PARD6G: variants seen among roughly 807,000 people sequenced by gnomAD.
PARD6G encodes the protein par-6 family cell polarity regulator gamma.
In PARD6G, 7 loss-of-function variants were observed where a neutral mutation model predicts 10.7. The ratio of observed to expected loss-of-function variants is 0.66; its 90% confidence interval spans 0.37 to 1.23. The LOEUF is 1.23. PARD6G is among the 50% of genes most tolerant of loss of function. PARD6G has a pLI of 0.02. For synonymous variants in PARD6G, 287 were observed against 269.4 expected, an observed-to-expected ratio of 1.07 and a Z score of -0.64; for missense variants, 548 against 571.8, an observed-to-expected ratio of 0.96 and a Z score of 0.42.
intron 1 of PARD6G, among the ~76,000 whole-genome samples, chr18:80,225,178 G>A (rs1009104589): frequency 2.0e-5 from 3 of 152,168 alleles, no homozygotes; most frequent in South Asian, 4.1e-4. Flanking sequence ...AGCCATCACC[G>A]CATGTTGGAC....
intron 1 of PARD6G, among the ~76,000 whole-genome samples, chr18:80,211,578 C>A (rs555237514): frequency 6.6e-6 from 1 of 152,118 alleles, no homozygotes; most frequent in Non-Finnish European, 1.5e-5. Context: ...CTAAAATAAC[C>A]GAAGGTGGAA....
At chr18:80,202,258 G>T (rs1434390132) in intron 2 of PARD6G, among the ~76,000 whole-genome samples, 1 of 152,164 alleles carries the variant, frequency 6.6e-6, no homozygotes, top group Admixed American at 6.5e-5. Context: ...ACCTATGTTA[G>T]TAATTTATTT....
intron 1 of PARD6G, among the ~76,000 whole-genome samples, chr18:80,216,908 C>A (rs1256581811): frequency 2.6e-5 from 4 of 151,962 alleles, no homozygotes; most frequent in African/African-American, 9.7e-5. Flanking sequence ...CTACTAAAAT[C>A]AGTAATGGTG....
chr18:80,176,954 C>A (rs995374705), intron 2 of PARD6G, among the ~76,000 whole-genome samples: 2 of 150,306 alleles, frequency 1.3e-5, no homozygotes, highest in African/African-American at 2.5e-5. Flanking sequence ...TGCATGCACA[C>A]ACACACAGGC....
At position 80,228,535 on chromosome 18, in the gene PARD6G, C is replaced by T. The variant is rs1266010148; in HGVS notation, c.72+18742G>A. Among the ~76,000 whole-genome samples the T allele has an allele frequency of 6.7e-6, 1 of 149,254 alleles. No homozygotes were observed. Among genetic ancestry groups the T allele is most frequent in the Non-Finnish European group, 1.5e-5 (1 of 67,094 alleles). Reference sequence around the variant, plus strand: ...GCCCCAAGGTGCGCAGACTGTCTCTCGTCTAAGGTCCCAGACACCACAGGG... The same window carrying T: ...GCCCCAAGGTGCGCAGACTGTCTCTTGTCTAAGGTCCCAGACACCACAGGG... On this transcript the variant is annotated intron_variant, in intron 1 of 2. Coordinates refer to ENST00000353265, the MANE Select transcript of PARD6G (RefSeq NM_032510.4). The surrounding 1 kb of genome is among the most constrained non-coding windows in gnomAD (Gnocchi z 4.6).
chr18:80,213,697 G>A (rs1161638042), intron 1 of PARD6G, among the ~76,000 whole-genome samples: 4 of 152,138 alleles, frequency 2.6e-5, no homozygotes, highest in East Asian at 1.9e-4. Flanking sequence ...AGTGGCTCAC[G>A]CCTGTAATCC....
chr18:80,208,518 C>T (rs1431736064), intron 1 of PARD6G, among the ~76,000 whole-genome samples: 4 of 152,174 alleles, frequency 2.6e-5, no homozygotes, highest in African/African-American at 7.2e-5. Context: ...ATTCATTCAC[C>T]TACTATCCCG....
intron 1 of PARD6G, among the ~76,000 whole-genome samples, chr18:80,241,532 G>GT (rs1452845859): frequency 6.6e-6 from 1 of 152,150 alleles, no homozygotes; most frequent in East Asian, 1.9e-4. Flanking sequence ...CAATTGCAAT[G>GT]TATTTAGGAT....
chr18:80,159,777 C>T lies in PARD6G; in HGVS notation c.1125G>A (p.Thr375=). ...TTGGGGGCCTCTCGGGAGTCTAGAG[C>T]GTGACCGCGGGCCCGTGCTCCTCCA... ...GGVEEHGPAV[T]L The change falls in exon 3 of 3, where the codon ACG becomes ACA. Residue 375 remains threonine, a synonymous_variant. Transcript: ENST00000353265. The T allele has an allele frequency of 2.8e-6, 4 of 1,426,234 alleles. No homozygotes were observed. The highest frequency in any genetic ancestry group is 3.7e-6 in the Non-Finnish European group (4 of 1,095,134). 88.3% of individuals were successfully genotyped at this position (1,426,234 alleles called of 1,614,324 possible). A position where few individuals can be genotyped will look rare whatever the true frequency, so the allele number is the denominator to read the frequency against.
chr18:80,179,755 C>T (rs888036800), intron 2 of PARD6G, among the ~76,000 whole-genome samples: 1 of 152,226 alleles, frequency 6.6e-6, no homozygotes, highest in African/African-American at 2.4e-5. Flanking sequence ...CCATGGGTTC[C>T]GTGCACGGCG....
At position 80,160,016 on chromosome 18, in the gene PARD6G, C is replaced by A; in HGVS notation, c.886G>T (p.Asp296Tyr). Residue 296 changes from aspartate (D) to tyrosine (Y), a missense_variant, in exon 3 of 3, where the codon GAT (aspartate) becomes TAT (tyrosine). By Grantham distance (160) the Asp-to-Tyr change is radical. Transcript: ENST00000353265. Reference protein sequence around the residue: ...QNFHPDEAESDEDNDVVIEGT... With the variant: ...QNFHPDEAESYEDNDVVIEGT... Reference sequence around the variant, plus strand: ...TCGATGACGACGTCGTTGTCCTCATCGCTCTCCGCCTCGTCGGGGTGGAAG... The same window carrying A: ...TCGATGACGACGTCGTTGTCCTCATAGCTCTCCGCCTCGTCGGGGTGGAAG... 1.3e-6 allele frequency: 2 copies of A among 1,530,642 alleles called. No homozygotes were observed. The highest frequency in any genetic ancestry group is 1.3e-5 in the South Asian group (1 of 77,142). 94.8% of individuals were successfully genotyped at this position (1,530,642 alleles called of 1,614,324 possible).
rs527990931 is a variant in PARD6G at position 80,159,875 on chromosome 18, C to G, written c.1027G>C (p.Gly343Arg). 2.5e-4 allele frequency: 372 copies of G among 1,509,650 alleles called. No homozygotes were observed. The highest frequency in any genetic ancestry group is 3.2e-4 in the Non-Finnish European group (362 of 1,135,174). The allele number at this position is 1,509,650 out of a possible 1,614,324, so 93.5% of individuals were successfully genotyped here. ...QRLQRDLALD[G>R]GLQRLLSSLR... Reference sequence around the variant, plus strand: ...GAGCTGAGCAGCCGCTGGAGGCCGCCGTCCAGGGCCAGGTCCCGCTGCAGC... The same window carrying G: ...GAGCTGAGCAGCCGCTGGAGGCCGCGGTCCAGGGCCAGGTCCCGCTGCAGC... The change falls in exon 3 of 3, where the codon GGC becomes CGC. Residue 343 changes from glycine (G) to arginine (R), a missense_variant. Physicochemically the swap from Gly to Arg is moderately radical, Grantham distance 125 (BLOSUM62 -2). Around this residue, in one of 2 missense-constraint regions of PARD6G, gnomAD observed 313 missense variants for 279.9 expected, o/e 1.12. Coordinates refer to ENST00000353265, the MANE Select transcript of PARD6G (RefSeq NM_032510.4).
chr18:80,163,599 G>A (rs2052715564), intron 2 of PARD6G, among the ~76,000 whole-genome samples: 1 of 152,222 alleles, frequency 6.6e-6, no homozygotes, highest in Admixed American at 6.5e-5. Flanking sequence ...CAAGGGCCAG[G>A]TGGAAGCATC....
intron 1 of PARD6G, among the ~76,000 whole-genome samples, chr18:80,236,568 G>A (rs1343895422): frequency 1.3e-5 from 2 of 152,158 alleles, no homozygotes; most frequent in Admixed American, 6.5e-5. Flanking sequence ...AATTGTCCCC[G>A]TTTGCAGATG....
chr18:80,178,571 C>T (rs2052829914), intron 2 of PARD6G: 1 of 152,378 alleles, frequency 6.6e-6, no homozygotes, highest in African/African-American at 2.4e-5. Context: ...ATCATTTTTG[C>T]TTTAGGAAGG....
rs78482413 is a variant in PARD6G, at chr18:80,228,412, T to A, written c.72+18865A>T. Among the ~76,000 whole-genome samples, 1 of 152,068 alleles carries A rather than the reference T, an allele frequency of 6.6e-6. No homozygotes were observed. The highest frequency in any genetic ancestry group is 1.5e-5 in the Non-Finnish European group (1 of 67,982). ...CTACATTGACCCCCAGCCTCCTCAA[T>A]CAGCTCTGCTGGGTGAGTCGCAGGC... is the stretch of plus-strand genomic sequence containing the variant. On this transcript the variant is annotated intron_variant, in intron 1 of 2. Coordinates refer to ENST00000353265, the MANE Select transcript of PARD6G (RefSeq NM_032510.4). This position sits in a 1 kb window ranked among gnomAD's most constrained non-coding sequence, Gnocchi z 4.6.
intron 1 of PARD6G, among the ~76,000 whole-genome samples, chr18:80,232,872 C>T (rs947436923): frequency 1.3e-5 from 2 of 152,316 alleles, no homozygotes; most frequent in African/African-American, 2.4e-5. Flanking sequence ...CTTCCTACAA[C>T]CCACGGGGCC....
intron 2 of PARD6G, among the ~76,000 whole-genome samples, chr18:80,186,001 C>T (rs2052873910): frequency 7.1e-6 from 1 of 141,694 alleles, no homozygotes; most frequent in Non-Finnish European, 1.5e-5. Context: ...CTCAGACATG[C>T]TCGCACACCC....
At chr18:80,197,964 G>A (rs1966973599) in intron 2 of PARD6G, among the ~76,000 whole-genome samples, 1 of 152,190 alleles carries the variant, frequency 6.6e-6, no homozygotes, top group African/African-American at 2.4e-5. Flanking sequence ...TGGGCACAGC[G>A]ATACAGAGAA....
Sources: allele counts gnomAD v4.1 joint callset (sites outside exome capture counted in the v4.1 genomes callset), GRCh38; gene constraint gnomAD v4.1.1; regional missense constraint gnomAD v4.1.1; non-coding constraint Gnocchi (gnomAD v3.1); transcripts MANE v1.5; gene names NCBI Gene and HGNC (gene_info 2026-07-23, HGNC 2026-07-21).